Variants in MYO1D observed in about 807,000 individuals in gnomAD.
The protein encoded by MYO1D is myosin ID, also known as unconventional myosin-Id.
MYO1D carries 83 observed loss-of-function variants against 122.0 expected under a neutral mutation model. That is an observed-to-expected ratio of 0.68 (90% confidence interval 0.57 to 0.82). The LOEUF (loss-of-function observed/expected upper bound fraction) is 0.82, where lower values mean the gene tolerates loss of function less well. Among genes scored for constraint, MYO1D ranks in the 40% least tolerant of loss-of-function variants. The pLI is 0.00. For synonymous variants in MYO1D, 464 were observed against 446.9 expected, an observed-to-expected ratio of 1.04 and a Z score of -0.48; for missense variants, 1,157 against 1,269.5, an observed-to-expected ratio of 0.91 and a Z score of 1.35.
intron 16 of MYO1D, among the ~76,000 whole-genome samples, chr17:32,674,217 G>C (rs577082500): frequency 3.3e-5 from 5 of 152,266 alleles, no homozygotes; most frequent in African/African-American, 4.8e-5. Flanking sequence ...TTCCCACCAA[G>C]TACTGGGAAA....
intron 16 of MYO1D, among the ~76,000 whole-genome samples, chr17:32,661,601 G>A (rs2088566168): frequency 1.3e-5 from 2 of 151,860 alleles, no homozygotes; most frequent in Admixed American, 6.6e-5. Flanking sequence ...GCTATAGTGA[G>A]CCAAGATTGC....
chr17:32,547,371 A>C (rs898456727), intron 21 of MYO1D, among the ~76,000 whole-genome samples: 1 of 152,232 alleles, frequency 6.6e-6, no homozygotes, highest in Non-Finnish European at 1.5e-5. Flanking sequence ...ATCTGCATAA[A>C]AATCCCATGG....
At chr17:32,795,059 G>A (rs969548064) in intron 1 of MYO1D, among the ~76,000 whole-genome samples, 1 of 152,122 alleles carries the variant, frequency 6.6e-6, no homozygotes, top group African/African-American at 2.4e-5. Flanking sequence ...GGAAGTGTCA[G>A]GGTAAGTATC....
At chr17:32,692,484 T>C (rs1195932430) in intron 16 of MYO1D, among the ~76,000 whole-genome samples, 1 of 152,238 alleles carries the variant, frequency 6.6e-6, no homozygotes, top group Non-Finnish European at 1.5e-5. Context: ...TTTCTTTTCA[T>C]AAAAGTCTGT....
intron 21 of MYO1D, among the ~76,000 whole-genome samples, chr17:32,554,563 T>C (rs183616711): frequency 2.0e-5 from 3 of 152,232 alleles, no homozygotes; most frequent in African/African-American, 7.2e-5. Flanking sequence ...GGGAAAAGCA[T>C]TCATGTAAAG....
At chr17:32,670,349 T>C (rs1239079900) in intron 16 of MYO1D, among the ~76,000 whole-genome samples, 1 of 152,196 alleles carries the variant, frequency 6.6e-6, no homozygotes, top group Non-Finnish European at 1.5e-5. Flanking sequence ...GGGTATTACA[T>C]GTGCAAATTA....
At chr17:32,726,720 T>C (rs1051741513) in intron 14 of MYO1D, among the ~76,000 whole-genome samples, 1 of 149,466 alleles carries the variant, frequency 6.7e-6, no homozygotes, top group African/African-American at 2.4e-5. Flanking sequence ...ATAATAAATA[T>C]ATTTATATCT....
At chr17:32,618,948 T>G (rs190484604) in intron 20 of MYO1D, among the ~76,000 whole-genome samples, 1 of 152,264 alleles carries the variant, frequency 6.6e-6, no homozygotes, top group East Asian at 1.9e-4. Context: ...CCTCCATTAA[T>G]TTAAATGCTT....
At chr17:32,544,187 C>T (rs934385404) in intron 21 of MYO1D, among the ~76,000 whole-genome samples, 2 of 151,762 alleles carry the variant, frequency 1.3e-5, no homozygotes, top group African/African-American at 4.8e-5. Flanking sequence ...CCTTGACCTC[C>T]CGCACTCAGG....
At chr17:32,785,817 C>G (rs1040398305) in intron 1 of MYO1D, among the ~76,000 whole-genome samples, 2 of 152,158 alleles carry the variant, frequency 1.3e-5, no homozygotes, top group Admixed American at 1.3e-4. Flanking sequence ...TTCCAGTTCT[C>G]TAGGGTTGAG....
intron 17 of MYO1D, among the ~76,000 whole-genome samples, chr17:32,654,926 C>T (rs2088454291): frequency 6.6e-6 from 1 of 152,182 alleles, no homozygotes; most frequent in Admixed American, 6.5e-5. Flanking sequence ...GATCTGCCTG[C>T]CTCGGCCTCC....
In MYO1D at chr17:32,819,859, G is replaced by A. The variant is rs150369705; in HGVS notation, c.96-39075C>T. Among the ~76,000 whole-genome samples the A allele has an allele frequency of 2.2e-3, 336 of 152,296 alleles. 6 individuals carry two copies. Among genetic ancestry groups the A allele is most frequent in the African/African-American group, 7.6e-3 (315 of 41,566 alleles). The stretch of plus-strand genomic sequence containing the variant: ...GGAAACTGAGGCATAGTGAACTTTG[G>A]GTAACCTGCTTAAGGTTACACAACT... On this transcript the variant is annotated intron_variant, in intron 1 of 21. Transcript: ENST00000318217.
intron 19 of MYO1D, among the ~76,000 whole-genome samples, chr17:32,650,981 T>C (rs1022928373): frequency 6.6e-6 from 1 of 152,248 alleles, no homozygotes; most frequent in Non-Finnish European, 1.5e-5. Flanking sequence ...TTTTACCTTC[T>C]GTGAGCTGGA....
chr17:32,499,685 A>C (rs948338788), intron 21 of MYO1D, among the ~76,000 whole-genome samples: 4 of 151,890 alleles, frequency 2.6e-5, no homozygotes, highest in Admixed American at 6.6e-5. Flanking sequence ...AAAGCCAAGT[A>C]TGGTGGCTCA....
rs548596207 is a variant in MYO1D at position 32,588,859 on chromosome 17, C to T, written c.2864+16228G>A. On this transcript the variant is annotated intron_variant, in intron 21 of 21. Coordinates refer to ENST00000318217, the MANE Select transcript of MYO1D (RefSeq NM_015194.3). ...TTGGGAGGCTGAGGCAGGAGAATCA[C>T]TTGAACTCAGGAGGTGGAGGGTGCA... is the stretch of plus-strand genomic sequence containing the variant. 6.6e-5 allele frequency among the ~76,000 whole-genome samples: 10 copies of T among 152,202 alleles called. No individual in the cohort carries two copies. In the South Asian group the frequency reaches 1.7e-3, roughly 25 times the overall value.
intron 1 of MYO1D, among the ~76,000 whole-genome samples, chr17:32,820,660 G>C (rs938742763): frequency 6.6e-6 from 1 of 152,166 alleles, no homozygotes; most frequent in Middle Eastern, 3.2e-3. Flanking sequence ...ATGGTCAAGG[G>C]ATGGCGGACA....
At chr17:32,623,564 T>TCAA (rs2087880793) in intron 20 of MYO1D, among the ~76,000 whole-genome samples, 1 of 152,204 alleles carries the variant, frequency 6.6e-6, no homozygotes, top group Non-Finnish European at 1.5e-5. Context: ...AATCTTTTGA[T>TCAA]GAGACTGTCC....
intron 16 of MYO1D, among the ~76,000 whole-genome samples, chr17:32,670,814 C>T (rs534658444): frequency 1.4e-4 from 22 of 152,322 alleles, no homozygotes; most frequent in East Asian, 1.3e-3. Context: ...TGATCTGACC[C>T]GCCTGTCCCC....
intron 21 of MYO1D, among the ~76,000 whole-genome samples, chr17:32,561,133 A>G (rs965558908): frequency 6.6e-6 from 1 of 151,702 alleles, no homozygotes; most frequent in Non-Finnish European, 1.5e-5. Flanking sequence ...GCTAGTCTCG[A>G]ACTCCTGACC....
Sources: gnomAD v4.1 joint callset for allele counts (sites outside exome capture counted in the v4.1 genomes callset) on GRCh38, gnomAD v4.1.1 for gene constraint, MANE v1.5 for transcripts, NCBI Gene and HGNC (gene_info 2026-07-23, HGNC 2026-07-21) for gene names.